The following C1QTNF3 variants were observed in gnomAD, a reference collection of about 807,000 sequenced individuals.
The protein encoded by C1QTNF3 is C1q and TNF related 3, also known as complement C1q tumor necrosis factor-related protein 3.
In C1QTNF3, 26 loss-of-function variants were observed where a neutral mutation model predicts 32.6. That is an observed-to-expected ratio of 0.80 (90% CI 0.58 to 1.11). The LOEUF is 1.11. Among genes scored for constraint, C1QTNF3 ranks in the 50% least tolerant of loss-of-function variants. The probability of loss-of-function intolerance (pLI) is 0.00; values close to 1 mark genes in which losing one functional copy is unlikely to be tolerated. For synonymous variants in C1QTNF3, 155 were observed against 146.0 expected (o/e 1.06, Z -0.44); for missense variants, 362 against 398.2 (o/e 0.91, Z 0.77).
intron 3 of C1QTNF3, among the ~76,000 whole-genome samples, chr5:34,029,329 G>A (rs888611652): frequency 8.6e-5 from 13 of 150,392 alleles, no homozygotes; most frequent in Middle Eastern, 3.4e-3. Flanking sequence ...TTATAGAGAC[G>A]AGGTCTCACT....
the C1QTNF3 span, among the ~76,000 whole-genome samples, chr5:34,119,100 A>T: frequency 2.6e-5 from 4 of 152,226 alleles, no homozygotes; most frequent in South Asian, 8.3e-4. Context: ...TTATTTTAAA[A>T]ATTGAAATAA....
At chr5:34,137,660 G>A in the C1QTNF3 span, among the ~76,000 whole-genome samples, 7 of 152,302 alleles carry the variant, frequency 4.6e-5, no homozygotes, top group African/African-American at 1.7e-4. Context: ...AAATTCATGT[G>A]TTCAGATATA....
the C1QTNF3 span, among the ~76,000 whole-genome samples, chr5:34,220,493 TACACACACACAC>T: frequency 1.3e-3 from 184 of 145,848 alleles, no homozygotes; most frequent in African/African-American, 4.4e-3. Context: ...TCAGTTAGCA[TACACACACACAC>T]ACACACACAC....
the C1QTNF3 span, among the ~76,000 whole-genome samples, chr5:34,216,433 G>C: frequency 1.3e-5 from 2 of 152,238 alleles, no homozygotes; most frequent in East Asian, 1.9e-4. Context: ...CATTAATTAA[G>C]GTATTTCTTA....
chr5:34,061,263 G>T, the C1QTNF3 span, among the ~76,000 whole-genome samples: 1 of 152,184 alleles, frequency 6.6e-6, no homozygotes, highest in African/African-American at 2.4e-5. Context: ...CTGTGGCTTT[G>T]CAGGGTACAG....
the C1QTNF3 span, among the ~76,000 whole-genome samples, chr5:34,104,516 ACTTTG>A: frequency 7.1e-3 from 207 of 29,140 alleles, 2 homozygotes; most frequent in African/African-American, 0.03. Flanking sequence ...ACATATCTTA[ACTTTG>A]CTTTGTTTTA....
chr5:34,137,134 C>A, the C1QTNF3 span, among the ~76,000 whole-genome samples: 1 of 126,890 alleles, frequency 7.9e-6, no homozygotes, highest in East Asian at 2.1e-4. Flanking sequence ...TACCCTAGAA[C>A]TTAAAGTATA....
At chr5:34,108,052 A>T in the C1QTNF3 span, among the ~76,000 whole-genome samples, 1 of 152,130 alleles carries the variant, frequency 6.6e-6, no homozygotes, top group Non-Finnish European at 1.5e-5. Flanking sequence ...GAAAGAAAGA[A>T]AGAGAGAGGA....
chr5:34,201,857 G>C, the C1QTNF3 span, among the ~76,000 whole-genome samples: 1 of 152,202 alleles, frequency 6.6e-6, no homozygotes, highest in Admixed American at 6.5e-5. Context: ...TGGCATGGAG[G>C]AAGGTTTTGA....
chr5:34,050,978 G>C, the C1QTNF3 span, among the ~76,000 whole-genome samples: 1 of 152,142 alleles, frequency 6.6e-6, no homozygotes, highest in African/African-American at 2.4e-5. Context: ...AATAAAATAT[G>C]ACTAGATTCA....
the C1QTNF3 span, among the ~76,000 whole-genome samples, chr5:34,067,100 G>T: frequency 6.6e-6 from 1 of 152,216 alleles, no homozygotes. Context: ...ATTTGCTCCA[G>T]TTCCCAACAA....
At chr5:34,124,911 T>C in the C1QTNF3 span, among the ~76,000 whole-genome samples, 1 of 152,188 alleles carries the variant, frequency 6.6e-6, no homozygotes, top group Non-Finnish European at 1.5e-5. Context: ...TATAGAGATT[T>C]GATATCTCCT....
chr5:34,206,822 G>T, the C1QTNF3 span, among the ~76,000 whole-genome samples: 1 of 151,694 alleles, frequency 6.6e-6, no homozygotes, highest in Non-Finnish European at 1.5e-5. Context: ...CATACAGTAA[G>T]ATACAGTACT....
chr5:34,075,006 A>G, the C1QTNF3 span, among the ~76,000 whole-genome samples: 2 of 151,794 alleles, frequency 1.3e-5, no homozygotes, highest in Non-Finnish European at 2.9e-5. Context: ...ATTCAATTTA[A>G]ACCTGTACAT....
At chr5:34,055,424 A>G in the C1QTNF3 span, among the ~76,000 whole-genome samples, 18 of 152,220 alleles carry the variant, frequency 1.2e-4, no homozygotes, top group Non-Finnish European at 2.4e-4. Flanking sequence ...ACTGCACAAC[A>G]AACACAATGA....
the C1QTNF3 span, among the ~76,000 whole-genome samples, chr5:34,079,330 T>C: frequency 6.6e-6 from 1 of 151,596 alleles, no homozygotes; most frequent in African/African-American, 2.4e-5. Context: ...ATTATGTACA[T>C]AAAAGTGAAG....
the C1QTNF3 span, among the ~76,000 whole-genome samples, chr5:34,120,766 C>A: frequency 6.6e-6 from 1 of 152,190 alleles, no homozygotes; most frequent in Admixed American, 6.5e-5. Context: ...TCCCCAGCCA[C>A]GTGGAACCGT....
chr5:34,134,866 A>C, the C1QTNF3 span, among the ~76,000 whole-genome samples: 2 of 152,212 alleles, frequency 1.3e-5, no homozygotes, highest in Admixed American at 6.5e-5. Flanking sequence ...TGTCATCTGC[A>C]AACAGGGACA....
intron 4 of C1QTNF3, among the ~76,000 whole-genome samples, chr5:34,026,172 A>C (rs1016295490): frequency 6.6e-6 from 1 of 152,222 alleles, no homozygotes; most frequent in African/African-American, 2.4e-5. Context: ...GAACTTCAAA[A>C]ATACCTGTAA....
Sources: allele counts gnomAD v4.1 joint callset (sites outside exome capture counted in the v4.1 genomes callset), GRCh38; gene constraint gnomAD v4.1.1; transcripts MANE v1.5; gene names NCBI Gene and HGNC (gene_info 2026-07-23, HGNC 2026-07-21).